LRRCC1: variants seen among roughly 807,000 people sequenced by gnomAD.
LRRCC1 encodes leucine rich repeat and coiled-coil centrosomal protein 1, also known as leucine-rich repeat and coiled-coil domain-containing protein 1.
Under a neutral mutation model 126.0 loss-of-function variants are expected in LRRCC1, and 115 were observed. The ratio of observed to expected loss-of-function variants is 0.91; its 90% CI spans 0.78 to 1.07. The LOEUF (loss-of-function observed/expected upper bound fraction) is 1.07. Among genes scored for constraint, LRRCC1 ranks in the 50% least tolerant of loss-of-function variants. The probability of loss-of-function intolerance (pLI) is 0.00; values close to 1 mark genes in which losing one functional copy is unlikely to be tolerated. For synonymous variants in LRRCC1, 400 were observed against 393.4 expected (o/e 1.02, Z -0.20); for missense variants, 1,172 against 1,175.7 (o/e 1.00, Z 0.05).
rs570897085 is a variant in LRRCC1, at chr8:85,145,499, G to A, written c.3087G>A (p.Gln1029=). The A allele has an allele frequency of 4.4e-6, 7 of 1,584,588 alleles. No individual in the cohort carries two copies. Among genetic ancestry groups the A allele is most frequent in the Non-Finnish European group, 6.0e-6 (7 of 1,170,812 alleles). ...TTGCTTTTGCTTTAAATGAAATTCAGCAAGATATGTGATGGTTCTGAGAAT... is the reference window on the plus strand; with the variant it reads ...TTGCTTTTGCTTTAAATGAAATTCAACAAGATATGTGATGGTTCTGAGAAT... The part of the protein sequence containing the change: ...KQLAFALNEI[Q]QDM Residue 1029 remains glutamine, a synonymous_variant, in exon 19 of 19, where the codon CAG becomes CAA. Transcript: ENST00000360375.
In LRRCC1 at chr8:85,138,004, TA is replaced by T. The variant is rs1236484863; in HGVS notation, c.2494-26del. 9 of 1,214,182 alleles carry T rather than the reference TA, an allele frequency of 7.4e-6. No homozygotes were observed. The African/African-American group carries it at 9.3e-5, about 13-fold the overall frequency. The allele number at this position is 1,214,182 out of a possible 1,614,324, so 75.2% of individuals were successfully genotyped here. ...CAGAATATGAAGCATTTAAAGTTAA[TA>T]AAAACAAAGTGCCAATTTTTTTCTT... On this transcript the variant is annotated intron_variant, in intron 15 of 18. Transcript: ENST00000360375.
chr8:85,119,054 G>GT (rs994475700), intron 6 of LRRCC1, among the ~76,000 whole-genome samples: 2 of 151,424 alleles, frequency 1.3e-5, no homozygotes, highest in Non-Finnish European at 2.9e-5. Context: ...AGTTATCTCA[G>GT]TACCATTTGT....
intron 4 of LRRCC1, 103 bp downstream of exon 4, chr8:85,113,202 C>G (rs1808859526): frequency 1.2e-6 from 1 of 805,252 alleles, no homozygotes; most frequent in Non-Finnish European, 2.0e-6. Context: ...TTCAGCTTTG[C>G]AACATTTTCT....
intron 17 of LRRCC1, among the ~76,000 whole-genome samples, 197 bp downstream of exon 17, chr8:85,138,672 G>T (rs953975056): frequency 3.3e-5 from 5 of 152,164 alleles, no homozygotes; most frequent in African/African-American, 1.2e-4. Context: ...GTTGACATTT[G>T]ATATATATGT....
intron 9 of LRRCC1, among the ~76,000 whole-genome samples, chr8:85,127,570 G>C (rs1356810835): frequency 6.6e-6 from 1 of 152,158 alleles, no homozygotes; most frequent in African/African-American, 2.4e-5. Context: ...TGATTGTGCA[G>C]TGGATAATTC....
chr8:85,141,450 C>T lies in LRRCC1; in HGVS notation c.2909C>T (p.Ala970Val). ...FKRQVDAIVE[A>V]HQAEIAQLAN... Reference sequence around the variant, plus strand: ...AGACAAGTTGATGCAATTGTTGAAGCTCATCAAGCTGAAATAGCACAGCTG... The same window carrying T: ...AGACAAGTTGATGCAATTGTTGAAGTTCATCAAGCTGAAATAGCACAGCTG... The change falls in exon 18 of 19, where the codon GCT becomes GTT. Residue 970 changes from alanine (A) to valine (V), a missense_variant. Coordinates refer to ENST00000360375, the MANE Select transcript of LRRCC1 (RefSeq NM_033402.5). 1.2e-6 allele frequency: 2 copies of T among 1,612,656 alleles called. No individual in the cohort carries two copies. Among genetic ancestry groups the T allele is most frequent in the Non-Finnish European group, 1.7e-6 (2 of 1,178,954 alleles).
intron 6 of LRRCC1, among the ~76,000 whole-genome samples, chr8:85,119,812 TA>T (rs1367043616): frequency 6.6e-6 from 1 of 152,170 alleles, no homozygotes; most frequent in Non-Finnish European, 1.5e-5. Context: ...CGTCTTAATA[TA>T]AGTACTTAGG....
Position 85,139,708 on chromosome 8 carries a change from G to T in LRRCC1, c.2840+1233G>T, listed in dbSNP as rs549094715. Among the ~76,000 whole-genome samples, 31 of 152,344 alleles carry T rather than the reference G, an allele frequency of 2.0e-4. No individual in the cohort carries two copies. The South Asian group carries it at 5.4e-3, about 26-fold the overall frequency. On this transcript the variant is annotated intron_variant, in intron 17 of 18. Coordinates refer to ENST00000360375, the MANE Select transcript of LRRCC1 (RefSeq NM_033402.5). The stretch of plus-strand genomic sequence containing the variant: ...TTGTTAAAAATAAGTTATAAAGTTG[G>T]AACCTTCAGAATTAAGTAGCACAGC...
intron 17 of LRRCC1, among the ~76,000 whole-genome samples, chr8:85,140,154 C>T (rs373667553): frequency 6.6e-6 from 1 of 152,028 alleles, no homozygotes; most frequent in African/African-American, 2.4e-5. Context: ...ATTCATTATA[C>T]CGTTAATATA....
intron 1 of LRRCC1, among the ~76,000 whole-genome samples, chr8:85,108,497 T>G (rs1415953118): frequency 6.6e-6 from 1 of 152,248 alleles, no homozygotes; most frequent in Non-Finnish European, 1.5e-5. Context: ...CCGTCTAATT[T>G]CACTATGCTT....
chr8:85,145,432 C>A lies in LRRCC1; in HGVS notation c.3020C>A (p.Thr1007Lys). 6.4e-7 allele frequency: 1 copy of A among 1,573,158 alleles called. No homozygotes were observed. Among genetic ancestry groups the A allele is most frequent in the South Asian group, 1.2e-5 (1 of 80,362 alleles). The change falls in exon 19 of 19, where the codon ACA becomes AAA. Residue 1007 changes from threonine to lysine, a missense_variant. Thr to Lys is a moderately conservative substitution (Grantham distance 78). Transcript: ENST00000360375. ...EKEMRELLEE[T>K]CKNKKTMEAK... ...GAAATGCGTGAACTTTTGGAAGAAA[C>A]ATGCAAGAACAAAAAAACAATGGAA... is the stretch of plus-strand genomic sequence containing the variant.
In LRRCC1 at chr8:85,134,862, GA is replaced by G; in HGVS notation, c.1988del (p.Asn663MetfsTer6). ...RRFQDVKDGF[E>X]NVATELAKSK... Reference sequence around the variant, plus strand: ...TGGAATATAGGTTAAAGATGGTTTTGAAAATGTTGCAACTGAGTTAGCAAAG... The same window carrying G: ...TGGAATATAGGTTAAAGATGGTTTTGAAATGTTGCAACTGAGTTAGCAAAG... On this transcript the variant is annotated frameshift_variant, in exon 13 of 19. Transcript: ENST00000360375. LOFTEE classifies it high-confidence loss of function. The G allele has an allele frequency of 6.4e-7, 1 of 1,571,582 alleles. No individual in the cohort carries two copies. Among genetic ancestry groups the G allele is most frequent in the Admixed American group, 2.2e-5 (1 of 45,278 alleles).
Position 85,137,569 on chromosome 8 carries a change from T to C in LRRCC1, c.2435T>C (p.Leu812Ser). The change falls in exon 15 of 19, where the codon TTA becomes TCA. Residue 812 changes from leucine to serine, a missense_variant. By Grantham distance (145) the Leu-to-Ser change is moderately radical (BLOSUM62 -2). Transcript: ENST00000360375. ...ACAAATGAAAGTGATAGTGATGCATTAAGAATAAAGTGCAAAATCATAGAC... is the reference window on the plus strand; with the variant it reads ...ACAAATGAAAGTGATAGTGATGCATCAAGAATAAAGTGCAAAATCATAGAC... The part of the protein sequence containing the change: ...RKTNESDSDA[L>S]RIKCKIIDDQ... 1 of 1,539,298 alleles carries C rather than the reference T, an allele frequency of 6.5e-7. No individual in the cohort carries two copies. Among genetic ancestry groups the C allele is most frequent in the East Asian group, 2.4e-5 (1 of 40,934 alleles).
intron 10 of LRRCC1, 92 bp from the exon 11 acceptor site, chr8:85,129,827 C>T (rs761040139): frequency 1.1e-6 from 1 of 950,160 alleles, no homozygotes; most frequent in African/African-American, 1.7e-5. Flanking sequence ...AGTCACCGGA[C>T]ACTGTCATTT....
Position 85,115,157 on chromosome 8 carries a change from A to C in LRRCC1, c.602A>C (p.Asn201Thr). The part of the protein sequence containing the change: ...LPQLRILDCK[N>T]IFGEPVNLTE... Reference sequence around the variant, plus strand: ...CAGCTTAGAATCCTAGATTGCAAGAACATATTTGGTGAACCAGTAAATTTG... The same window carrying C: ...CAGCTTAGAATCCTAGATTGCAAGACCATATTTGGTGAACCAGTAAATTTG... Residue 201 changes from asparagine to threonine, a missense_variant, in exon 5 of 19, where the codon AAC becomes ACC. Coordinates refer to ENST00000360375, the MANE Select transcript of LRRCC1 (RefSeq NM_033402.5). The C allele has an allele frequency of 6.2e-7, 1 of 1,613,038 alleles. No homozygotes were observed. The highest frequency in any genetic ancestry group is 1.1e-5 in the South Asian group (1 of 90,944).
intron 18 of LRRCC1, among the ~76,000 whole-genome samples, chr8:85,143,018 T>A (rs1811369850): frequency 6.6e-6 from 1 of 151,868 alleles, no homozygotes; most frequent in African/African-American, 2.4e-5. Context: ...GTTCCAAATA[T>A]TTTACTTAAA....
At chr8:85,120,359 A>G (rs781730982) in intron 6 of LRRCC1, among the ~76,000 whole-genome samples, 13 of 151,692 alleles carry the variant, frequency 8.6e-5, no homozygotes, top group Non-Finnish European at 1.5e-4. Flanking sequence ...GAAGTGTTGA[A>G]ATCTCTGTGG....
At position 85,138,143 on chromosome 8, in the gene LRRCC1, G is replaced by A. The variant is rs762316787; in HGVS notation, c.2602G>A (p.Val868Ile). The change falls in exon 16 of 19, where the codon GTA becomes ATA. Residue 868 changes from valine (V) to isoleucine (I), a missense_variant. Coordinates refer to ENST00000360375, the MANE Select transcript of LRRCC1 (RefSeq NM_033402.5). The part of the protein sequence containing the change: ...LDEKSSQLDE[V>I]LEKLERHNER... ...TGAAAAATCTTCACAACTGGATGAG[G>A]TACTTGAGAAGTTGGAAAGGCACAA... 1.2e-6 allele frequency: 2 copies of A among 1,610,072 alleles called. No homozygotes were observed. The highest frequency in any genetic ancestry group is 1.3e-5 in the African/African-American group (1 of 74,890).
At chr8:85,138,782 C>T (rs1014192088) in intron 17 of LRRCC1, among the ~76,000 whole-genome samples, 2 of 152,160 alleles carry the variant, frequency 1.3e-5, no homozygotes, top group Non-Finnish European at 2.9e-5. Context: ...CGGTGGCTCA[C>T]GCCTGCAATC....
Sources: gnomAD v4.1 joint callset for allele counts (sites outside exome capture counted in the v4.1 genomes callset) on GRCh38, gnomAD v4.1.1 for gene constraint, MANE v1.5 for transcripts, NCBI Gene and HGNC (gene_info 2026-07-23, HGNC 2026-07-21) for gene names.